The following CNTNAP3B variants were observed in gnomAD, a reference collection of about 807,000 sequenced individuals.
The protein encoded by CNTNAP3B is contactin-associated protein-like 3B.
Under a neutral mutation model 108.9 loss-of-function variants are expected in CNTNAP3B, and 25 were observed. The observed-to-expected ratio is 0.23, with a 90% CI of 0.17 to 0.32. The LOEUF is 0.32. CNTNAP3B is among the 10% of genes least tolerant of loss of function. CNTNAP3B has a pLI of 1.00. For missense variants in CNTNAP3B, 252 were observed against 1,210.4 expected, an observed-to-expected ratio of 0.21 and a Z score of 11.75; for synonymous variants, 103 against 473.4, an observed-to-expected ratio of 0.22 and a Z score of 10.16.
intron 3 of CNTNAP3B, among the ~76,000 whole-genome samples, chr9:42,037,388 G>C (rs932989546): frequency 7.9e-6 from 1 of 126,128 alleles, no homozygotes; most frequent in Admixed American, 8.0e-5. Flanking sequence ...CTTCAAAAAA[G>C]ATTACACGAA....
chr9:42,034,162 A>G (rs1330831929), intron 3 of CNTNAP3B, among the ~76,000 whole-genome samples: 1 of 101,874 alleles, frequency 9.8e-6, no homozygotes, highest in Non-Finnish European at 2.1e-5. Flanking sequence ...CTACCTATTT[A>G]TCTATATGTA....
chr9:41,918,036 T>G (rs1268575752), intron 18 of CNTNAP3B, among the ~76,000 whole-genome samples: 5 of 152,298 alleles, frequency 3.3e-5, no homozygotes, highest in Non-Finnish European at 7.3e-5. Flanking sequence ...CTTTCAATAG[T>G]TGTTTTTTAA....
intron 2 of CNTNAP3B, among the ~76,000 whole-genome samples, chr9:42,087,743 A>T (rs1334867199): frequency 7.2e-6 from 1 of 138,950 alleles, no homozygotes; most frequent in Non-Finnish European, 1.5e-5. Context: ...GACCAGGATA[A>T]GAAGCAACTA....
Position 42,099,340 on chromosome 9 carries a change from T to G in CNTNAP3B, c.196+5289A>C, listed in dbSNP as rs560985730. 2.5e-4 allele frequency among the ~76,000 whole-genome samples: 31 copies of G among 126,432 alleles called. 5 individuals carry two copies. Among genetic ancestry groups the G allele is most frequent in the African/African-American group, 9.0e-4 (28 of 31,094 alleles). The allele number at this position is 126,432 out of a possible 152,430, so 82.9% of individuals were successfully genotyped here. A position where few individuals can be genotyped will look rare whatever the true frequency, so the allele number is the denominator to read the frequency against. Reference sequence around the variant, plus strand: ...TGTCATGCATCTTCCCAGAAAGTCCTAAAATTCTACAGGAAAAACCTCTTG... The same window carrying G: ...TGTCATGCATCTTCCCAGAAAGTCCGAAAATTCTACAGGAAAAACCTCTTG... On this transcript the variant is annotated intron_variant, in intron 2 of 23. Coordinates refer to ENST00000377561, the MANE Select transcript of CNTNAP3B (RefSeq NM_001201380.3).
rs1485188323 is a variant in CNTNAP3B, at chr9:42,099,692, T to C, written c.196+4937A>G. ...ATTCTCAAACTCTCCTTCGGTCTAA[T>C]GCATGGTTAGTTATTGTACATTCAT... On this transcript the variant is annotated intron_variant, in intron 2 of 23. Transcript: ENST00000377561. Among the ~76,000 whole-genome samples, 9 of 110,888 alleles carry C rather than the reference T, an allele frequency of 8.1e-5. 2 individuals are homozygous for C. Among genetic ancestry groups the C allele is most frequent in the Non-Finnish European group, 1.5e-4 (8 of 54,098 alleles). The allele number at this position is 110,888 out of a possible 152,430, so 72.7% of individuals were successfully genotyped here.
intron 13 of CNTNAP3B, among the ~76,000 whole-genome samples, chr9:41,942,112 T>G (rs1291419253): frequency 2.0e-5 from 3 of 152,282 alleles, no homozygotes; most frequent in African/African-American, 7.2e-5. Flanking sequence ...GGAAGGAAGC[T>G]GAGAAGCACT....
intron 18 of CNTNAP3B, among the ~76,000 whole-genome samples, chr9:41,918,511 G>C (rs1823578300): frequency 6.9e-6 from 1 of 144,938 alleles, no homozygotes; most frequent in South Asian, 2.2e-4. Context: ...AATGTTGGGT[G>C]ATGATCACTG....
chr9:42,035,629 GTTCA>G (rs1306179315), intron 3 of CNTNAP3B, among the ~76,000 whole-genome samples: 28 of 149,552 alleles, frequency 1.9e-4, no homozygotes, highest in African/African-American at 6.7e-4. Flanking sequence ...CACACAAAGT[GTTCA>G]TTATCATTAT....
chr9:41,930,397 G>T (rs1315080274), intron 14 of CNTNAP3B, among the ~76,000 whole-genome samples: 1 of 152,300 alleles, frequency 6.6e-6, no homozygotes, highest in Non-Finnish European at 1.5e-5. Context: ...ACAAAAATTA[G>T]CTGGGTGTGA....
chr9:41,962,464 C>T (rs1306813661), intron 11 of CNTNAP3B, among the ~76,000 whole-genome samples: 1 of 151,684 alleles, frequency 6.6e-6, no homozygotes, highest in East Asian at 1.9e-4. Context: ...ACATTAAATG[C>T]AATCAGACAA....
chr9:41,966,962 G>T (rs1313136359), intron 10 of CNTNAP3B, among the ~76,000 whole-genome samples: 1 of 150,304 alleles, frequency 6.7e-6, no homozygotes, highest in East Asian at 1.9e-4. Flanking sequence ...GCGAGACTCT[G>T]TCTCAAAAAA....
intron 3 of CNTNAP3B, among the ~76,000 whole-genome samples, chr9:42,062,840 G>T (rs1827198792): frequency 1.1e-5 from 1 of 94,288 alleles, no homozygotes; most frequent in Non-Finnish European, 2.2e-5. Context: ...GTGGTTACCA[G>T]GAGGCTGACA....
chr9:41,950,672 G>C (rs1310252188), intron 13 of CNTNAP3B, among the ~76,000 whole-genome samples: 1 of 148,224 alleles, frequency 6.7e-6, no homozygotes, highest in Non-Finnish European at 1.5e-5. Context: ...TAACATTCTT[G>C]AAGTTTAAAA....
In CNTNAP3B at chr9:41,923,979, G is replaced by A; in HGVS notation, c.2480C>T (p.Ser827Phe). Residue 827 changes from serine (S) to phenylalanine (F), a missense_variant, in exon 16 of 24, where the codon TCT becomes TTT. Ser to Phe is a radical substitution (Grantham distance 155). Coordinates refer to ENST00000377561, the MANE Select transcript of CNTNAP3B (RefSeq NM_001201380.3). Reference sequence around the variant, plus strand: ...CCCCAGGTTCTCCATAAACACCCCAGAGGAAACTGTGGTCTTAAAAAAGAA... The same window carrying A: ...CCCCAGGTTCTCCATAAACACCCCAAAGGAAACTGTGGTCTTAAAAAAGAA... Reference protein sequence around the residue: ...VCFFFKTTVSSGVFMENLGIT... With the variant: ...VCFFFKTTVSFGVFMENLGIT... The A allele has an allele frequency of 6.2e-7, 1 of 1,612,134 alleles. No individual in the cohort carries two copies. Among genetic ancestry groups the A allele is most frequent in the Non-Finnish European group, 8.5e-7 (1 of 1,179,878 alleles).
intron 10 of CNTNAP3B, among the ~76,000 whole-genome samples, chr9:41,969,524 A>C (rs1166768779): frequency 6.7e-6 from 1 of 148,828 alleles, no homozygotes; most frequent in African/African-American, 2.5e-5. Flanking sequence ...TTAGCTGAGC[A>C]ACTCGGGATC....
At chr9:42,082,937 C>T (rs1437969887) in intron 2 of CNTNAP3B, among the ~76,000 whole-genome samples, 2 of 139,142 alleles carry the variant, frequency 1.4e-5, no homozygotes, top group South Asian at 2.3e-4. Context: ...CTATATGTTG[C>T]CTACAAGAAA....
chr9:41,934,950 T>C (rs1240941848), intron 14 of CNTNAP3B, among the ~76,000 whole-genome samples: 1 of 152,284 alleles, frequency 6.6e-6, no homozygotes, highest in East Asian at 1.9e-4. Flanking sequence ...AATTCTTAAG[T>C]AAAATAATAT....
intron 12 of CNTNAP3B, among the ~76,000 whole-genome samples, chr9:41,955,221 G>T (rs1185969044): frequency 6.7e-6 from 1 of 148,884 alleles, no homozygotes; most frequent in African/African-American, 2.5e-5. Flanking sequence ...TGATAGATTT[G>T]CAGTCACCCA....
At chr9:42,082,851 A>G (rs1439515623) in intron 2 of CNTNAP3B, among the ~76,000 whole-genome samples, 1 of 141,770 alleles carries the variant, frequency 7.1e-6, no homozygotes, top group Non-Finnish European at 1.5e-5. Context: ...ATAAACAATC[A>G]TATTAAAGGT....
Sources: gnomAD v4.1 joint callset for allele counts (sites outside exome capture counted in the v4.1 genomes callset) on GRCh38, gnomAD v4.1.1 for gene constraint, MANE v1.5 for transcripts, NCBI Gene and HGNC (gene_info 2026-07-23, HGNC 2026-07-21) for gene names.